Variants in TBC1D9 observed in about 807,000 individuals in gnomAD.
TBC1D9 encodes the protein TBC1 domain family member 9.
Under a neutral mutation model 132.0 loss-of-function variants are expected in TBC1D9, and 63 were observed. The ratio of observed to expected loss-of-function variants is 0.48; its 90% CI spans 0.39 to 0.59. The LOEUF is 0.59. TBC1D9 is among the 20% of genes least tolerant of loss of function. The pLI is 0.00. For synonymous variants in TBC1D9, 610 were observed against 609.9 expected (o/e 1.00, Z 0.00); for missense variants, 1,261 against 1,592.7 (o/e 0.79, Z 3.54).
intron 20 of TBC1D9, 86 bp downstream of exon 20, chr4:140,624,030 T>G: frequency 2.8e-6 from 3 of 1,076,688 alleles, no homozygotes; most frequent in Non-Finnish European, 4.1e-6. Context: ...TGATGGGTAT[T>G]GAGTCTACAT....
intron 11 of TBC1D9, among the ~76,000 whole-genome samples, chr4:140,658,875 T>TA (rs1283295579): frequency 6.6e-6 from 1 of 152,152 alleles, no homozygotes; most frequent in Admixed American, 6.5e-5. Flanking sequence ...TTAAAACAAT[T>TA]ACTTTTTAAA....
At chr4:140,669,592 T>C (rs1323968366) in intron 8 of TBC1D9, 42 bp downstream of exon 8, 2 of 1,578,272 alleles carry the variant, frequency 1.3e-6, no homozygotes, top group East Asian at 2.3e-5. Context: ...AATGGCATTG[T>C]TCAAATCTAC....
chr4:140,661,860 A>T lies in TBC1D9; in HGVS notation c.1803+33T>A, dbSNP rs777198227. ...GCCAAATGAATAGAAATTTTATTTT[A>T]TTTTTTTAGCAAAAACCACCTGTGA... is the stretch of plus-strand genomic sequence containing the variant. On this transcript the variant is annotated intron_variant, in intron 10 of 20. Coordinates refer to ENST00000442267, the MANE Select transcript of TBC1D9 (RefSeq NM_015130.3). 13 of 1,546,130 alleles carry T rather than the reference A, an allele frequency of 8.4e-6. No individual in the cohort carries two copies. The Middle Eastern group carries it at 1.0e-3, about 122-fold the overall frequency.
At chr4:140,713,772 T>A (rs942638677) in intron 1 of TBC1D9, among the ~76,000 whole-genome samples, 1 of 151,994 alleles carries the variant, frequency 6.6e-6, no homozygotes, top group African/African-American at 2.4e-5. Flanking sequence ...CTATATTTTT[T>A]AAAGTAATTT....
At chr4:140,720,292 C>T (rs1316769793) in intron 1 of TBC1D9, among the ~76,000 whole-genome samples, 2 of 152,122 alleles carry the variant, frequency 1.3e-5, no homozygotes, top group African/African-American at 4.8e-5. Flanking sequence ...CAAAAAGTTT[C>T]TGGGCTCAGG....
intron 18 of TBC1D9, among the ~76,000 whole-genome samples, chr4:140,625,575 G>A (rs1182721473): frequency 6.6e-6 from 1 of 152,142 alleles, no homozygotes; most frequent in Non-Finnish European, 1.5e-5. Flanking sequence ...GACACAGTGA[G>A]GAAAGTGTAC....
chr4:140,668,853 A>C (rs1421187167), intron 9 of TBC1D9, 64 bp downstream of exon 9: 8 of 1,571,628 alleles, frequency 5.1e-6, no homozygotes, highest in Non-Finnish European at 6.9e-6. Context: ...CTGAAGGCAC[A>C]GGGAGGCCCT....
At chr4:140,666,552 A>T (rs1228117702) in intron 9 of TBC1D9, among the ~76,000 whole-genome samples, 1 of 151,774 alleles carries the variant, frequency 6.6e-6, no homozygotes, top group Non-Finnish European at 1.5e-5. Context: ...GTTAGCCAGG[A>T]TGGTCTCGAT....
At chr4:140,631,842 C>G (rs1736799480) in intron 16 of TBC1D9, among the ~76,000 whole-genome samples, 1 of 152,162 alleles carries the variant, frequency 6.6e-6, no homozygotes, top group Admixed American at 6.5e-5. Flanking sequence ...AGTGATCCAC[C>G]CACCTCGGCC....
intron 1 of TBC1D9, among the ~76,000 whole-genome samples, chr4:140,712,885 C>T (rs1319608014): frequency 1.9e-4 from 29 of 151,986 alleles, no homozygotes; most frequent in Admixed American, 1.6e-3. Context: ...GGCCTAATAA[C>T]GAGATGCAAA....
In TBC1D9 at chr4:140,701,554, C is replaced by A; in HGVS notation, c.191G>T (p.Arg64Leu). The A allele has an allele frequency of 6.2e-7, 1 of 1,613,906 alleles. No homozygotes were observed. Among genetic ancestry groups the A allele is most frequent in the Non-Finnish European group, 8.5e-7 (1 of 1,179,864 alleles). ...LDSSARVAPY[R>L]ILYQTPDSLV... ...GGAGTCTGGAGTCTGGTACAAGATT[C>A]GGTAAGGAGCGACCCGGGCGCTGGA... The change falls in exon 2 of 21, where the codon CGA becomes CTA. Residue 64 changes from arginine to leucine, a missense_variant. This residue lies in a region of TBC1D9 where 550 missense variants were observed against 699.0 expected (regional missense o/e 0.79). Coordinates refer to ENST00000442267, the MANE Select transcript of TBC1D9 (RefSeq NM_015130.3).
intron 3 of TBC1D9, among the ~76,000 whole-genome samples, chr4:140,681,850 C>T (rs890369238): frequency 6.6e-6 from 1 of 152,202 alleles, no homozygotes; most frequent in Admixed American, 6.5e-5. Context: ...ATAAATACCA[C>T]CTTCCCTGTG....
chr4:140,719,159 T>TAAAA (rs778300623), intron 1 of TBC1D9, among the ~76,000 whole-genome samples: 47 of 136,040 alleles, frequency 3.5e-4, no homozygotes, highest in Admixed American at 5.2e-4. Flanking sequence ...AATAAATAAA[T>TAAAA]AAAAGAAAGT....
In TBC1D9 at chr4:140,650,256, C is replaced by T. The variant is rs147026187; in HGVS notation, c.2337+6841G>A. Among the ~76,000 whole-genome samples the T allele has an allele frequency of 2.8e-4, 43 of 152,332 alleles. No homozygotes were observed. In the East Asian group the frequency reaches 8.3e-3, roughly 29 times the overall value. The stretch of plus-strand genomic sequence containing the variant: ...CAGGCAGCCAGTAGGCTAGAAAGTC[C>T]ATGATGAATATTGTTTGGCCCAGGG... On this transcript the variant is annotated intron_variant, in intron 13 of 20. Transcript: ENST00000442267.
intron 13 of TBC1D9, chr4:140,642,203 G>A: frequency 1.3e-6 from 1 of 747,520 alleles, no homozygotes; most frequent in Non-Finnish European, 2.4e-6. Flanking sequence ...GAGGGGCCTT[G>A]GGCGGGCCAC....
chr4:140,629,295 T>C (rs924836577), intron 16 of TBC1D9, among the ~76,000 whole-genome samples: 18 of 152,252 alleles, frequency 1.2e-4, no homozygotes, highest in African/African-American at 4.3e-4. Flanking sequence ...CTCAACTTTA[T>C]GAAGTCCGTG....
chr4:140,663,996 T>C (rs146547657), intron 9 of TBC1D9, among the ~76,000 whole-genome samples: 1 of 137,140 alleles, frequency 7.3e-6, no homozygotes. Context: ...TGAAATTTGC[T>C]AAGAGGGTAG....
chr4:140,729,331 A>G (rs771001423), intron 1 of TBC1D9, among the ~76,000 whole-genome samples: 6 of 152,196 alleles, frequency 3.9e-5, no homozygotes, highest in Non-Finnish European at 8.8e-5. Flanking sequence ...CTCAGTTTCA[A>G]TGAGATTTAA....
At chr4:140,665,583 C>A (rs1393418254) in intron 9 of TBC1D9, among the ~76,000 whole-genome samples, 2 of 152,114 alleles carry the variant, frequency 1.3e-5, no homozygotes, top group African/African-American at 4.8e-5. Context: ...AGAAATTCCA[C>A]TTCATTCATA....
Sources: gnomAD v4.1 joint callset for allele counts (sites outside exome capture counted in the v4.1 genomes callset) on GRCh38, gnomAD v4.1.1 for gene constraint, gnomAD v4.1.1 regional missense constraint, MANE v1.5 for transcripts, NCBI Gene and HGNC (gene_info 2026-07-23, HGNC 2026-07-21) for gene names.